Variants in SLC44A5 observed in about 807,000 individuals in gnomAD.
The protein encoded by SLC44A5 is choline transporter-like protein 5.
SLC44A5 carries 57 observed loss-of-function variants against 101.8 expected under a neutral mutation model. The ratio of observed to expected loss-of-function variants is 0.56; its 90% CI spans 0.45 to 0.70. The LOEUF (loss-of-function observed/expected upper bound fraction) is 0.70. SLC44A5 is among the 30% of genes least tolerant of loss of function. The pLI is 0.00. For synonymous variants in SLC44A5, 281 were observed against 290.9 expected, an observed-to-expected ratio of 0.97 and a Z score of 0.35; for missense variants, 737 against 853.1, an observed-to-expected ratio of 0.86 and a Z score of 1.70.
intron 3 of SLC44A5, among the ~76,000 whole-genome samples, chr1:75,388,113 A>G (rs1328650136): frequency 3.6e-5 from 5 of 140,790 alleles, no homozygotes; most frequent in Non-Finnish European, 6.1e-5. Context: ...CTAATGCTAG[A>G]TGACGAGTTA....
intron 2 of SLC44A5, among the ~76,000 whole-genome samples, chr1:75,482,721 T>C (rs982212275): frequency 6.6e-6 from 1 of 152,206 alleles, no homozygotes; most frequent in South Asian, 2.1e-4. Flanking sequence ...GTATAGCAGA[T>C]GAAATGGAAG....
At chr1:75,522,515 C>A (rs796708828) in intron 2 of SLC44A5, among the ~76,000 whole-genome samples, 8 of 152,064 alleles carry the variant, frequency 5.3e-5, no homozygotes, top group African/African-American at 1.9e-4. Flanking sequence ...CTGCCAGATT[C>A]TTTTTCCCAC....
intron 1 of SLC44A5, among the ~76,000 whole-genome samples, chr1:75,569,919 T>C (rs1308108176): frequency 1.3e-5 from 2 of 152,104 alleles, no homozygotes; most frequent in Non-Finnish European, 2.9e-5. Context: ...AGATATGAAA[T>C]GCAGGAGATT....
chr1:75,631,496 C>T, the SLC44A5 span, among the ~76,000 whole-genome samples: 1 of 151,648 alleles, frequency 6.6e-6, no homozygotes, highest in Non-Finnish European at 1.5e-5. Flanking sequence ...CTTCTGTCTC[C>T]CAAGTAGCTG....
chr1:75,585,557 C>A (rs1187762462), intron 1 of SLC44A5, among the ~76,000 whole-genome samples: 1 of 152,136 alleles, frequency 6.6e-6, no homozygotes, highest in Non-Finnish European at 1.5e-5. Context: ...TGCATTTAAA[C>A]TTCATGAGTA....
the SLC44A5 span, among the ~76,000 whole-genome samples, chr1:75,702,181 A>T: frequency 6.6e-6 from 1 of 152,198 alleles, no homozygotes; most frequent in Non-Finnish European, 1.5e-5. Context: ...ATGGAACCAA[A>T]AAAGAGCCCG....
At chr1:75,439,526 G>A (rs1298279692) in intron 2 of SLC44A5, among the ~76,000 whole-genome samples, 1 of 151,684 alleles carries the variant, frequency 6.6e-6, no homozygotes, top group Non-Finnish European at 1.5e-5. Context: ...AAGATCAACT[G>A]GGGCAACATA....
At chr1:75,543,676 CAT>C (rs1192252917) in intron 1 of SLC44A5, among the ~76,000 whole-genome samples, 3 of 76,400 alleles carry the variant, frequency 3.9e-5, no homozygotes, top group East Asian at 3.6e-4. Flanking sequence ...TATATACACA[CAT>C]ATATATACAC....
intron 1 of SLC44A5, among the ~76,000 whole-genome samples, chr1:75,584,524 G>T (rs1309678752): frequency 6.6e-6 from 1 of 152,134 alleles, no homozygotes; most frequent in African/African-American, 2.4e-5. Flanking sequence ...TAGGATTTAG[G>T]AACATAAAAT....
intron 6 of SLC44A5, among the ~76,000 whole-genome samples, chr1:75,272,655 C>A (rs1651584008): frequency 6.6e-6 from 1 of 151,992 alleles, no homozygotes; most frequent in South Asian, 2.1e-4. Context: ...TGTCCTTTCC[C>A]CAATTTACGT....
chr1:75,546,786 T>C (rs113683244), intron 1 of SLC44A5, among the ~76,000 whole-genome samples: 37 of 152,268 alleles, frequency 2.4e-4, no homozygotes, highest in African/African-American at 8.9e-4. Flanking sequence ...GGTGATTATA[T>C]TAAGGGTCTT....
chr1:75,661,292 T>C, the SLC44A5 span, among the ~76,000 whole-genome samples: 1 of 144,772 alleles, frequency 6.9e-6, no homozygotes, highest in Non-Finnish European at 1.5e-5. Context: ...ATATGTAGAA[T>C]GAAACTAGAA....
chr1:75,580,336 G>C (rs1384832498), intron 1 of SLC44A5, among the ~76,000 whole-genome samples: 1 of 152,130 alleles, frequency 6.6e-6, no homozygotes, highest in Non-Finnish European at 1.5e-5. Flanking sequence ...CACGGGGTGG[G>C]TGTCCCATAT....
At chr1:75,656,043 C>T in the SLC44A5 span, among the ~76,000 whole-genome samples, 71 of 152,198 alleles carry the variant, frequency 4.7e-4, no homozygotes, top group Middle Eastern at 6.8e-3. Flanking sequence ...AAAGGAGTTC[C>T]TATACATCTG....
rs541637171 is a variant in SLC44A5, at chr1:75,226,974, A to G, written c.985+752T>C. On this transcript the variant is annotated intron_variant, in intron 13 of 23. Coordinates refer to ENST00000370859, the MANE Select transcript of SLC44A5 (RefSeq NM_001130058.2). ...CAAAAATGCAAATTTATTTTCAGAT[A>G]CTTATTACTCATAATTCCTATAAGT... 2.6e-5 allele frequency among the ~76,000 whole-genome samples: 4 copies of G among 152,354 alleles called. No individual in the cohort carries two copies. The South Asian group carries it at 8.3e-4, about 32-fold the overall frequency.
chr1:75,280,130 G>A (rs1277125088), intron 5 of SLC44A5, among the ~76,000 whole-genome samples: 1 of 96,578 alleles, frequency 1.0e-5, no homozygotes, highest in Non-Finnish European at 1.9e-5. Context: ...GTGTGTGTGT[G>A]TGTATATATA....
chr1:75,310,393 T>C (rs1202473678), intron 4 of SLC44A5, among the ~76,000 whole-genome samples: 1 of 152,216 alleles, frequency 6.6e-6, no homozygotes, highest in East Asian at 1.9e-4. Flanking sequence ...CACCTGAATC[T>C]CTTCAAAGAG....
intron 3 of SLC44A5, among the ~76,000 whole-genome samples, chr1:75,370,344 C>T (rs1042136534): frequency 2.4e-4 from 36 of 151,676 alleles, no homozygotes; most frequent in Admixed American, 4.6e-4. Context: ...TAATTTTTTC[C>T]ACTTCAAACT....
intron 2 of SLC44A5, among the ~76,000 whole-genome samples, chr1:75,440,585 T>C (rs1342660334): frequency 6.6e-6 from 1 of 152,152 alleles, no homozygotes; most frequent in Non-Finnish European, 1.5e-5. Context: ...TAGAGGGTTT[T>C]GATCAGAGCC....
Sources: allele counts gnomAD v4.1 joint callset (sites outside exome capture counted in the v4.1 genomes callset), GRCh38; gene constraint gnomAD v4.1.1; transcripts MANE v1.5; gene names NCBI Gene and HGNC (gene_info 2026-07-23, HGNC 2026-07-21).